Variants in WWTR1 observed in about 807,000 individuals in gnomAD.
The protein encoded by WWTR1 is WW domain containing transcription regulator 1.
In WWTR1, 13 loss-of-function variants were observed where a neutral mutation model predicts 40.1. The ratio of observed to expected loss-of-function variants is 0.32; its 90% CI spans 0.21 to 0.52. The LOEUF is 0.52. Among genes scored for constraint, WWTR1 ranks in the 20% least tolerant of loss-of-function variants. The probability of loss-of-function intolerance (pLI) is 0.97; values close to 1 mark genes in which losing one functional copy is unlikely to be tolerated. For synonymous variants in WWTR1, 230 were observed against 210.1 expected, an observed-to-expected ratio of 1.09 and a Z score of -0.82; for missense variants, 436 against 523.1, an observed-to-expected ratio of 0.83 and a Z score of 1.63.
chr3:149,624,063 C>T (rs557594698), intron 2 of WWTR1, among the ~76,000 whole-genome samples: 1 of 152,240 alleles, frequency 6.6e-6, no homozygotes. Context: ...CTCCCCACCA[C>T]TACCATGACC....
intron 2 of WWTR1, among the ~76,000 whole-genome samples, chr3:149,655,874 C>G (rs1713178657): frequency 6.6e-6 from 1 of 152,196 alleles, no homozygotes; most frequent in Non-Finnish European, 1.5e-5. Context: ...TAAGGCTACT[C>G]TACTAAAGAA....
At chr3:149,548,583 C>A (rs1458865264) in intron 3 of WWTR1, among the ~76,000 whole-genome samples, 5 of 152,226 alleles carry the variant, frequency 3.3e-5, no homozygotes, top group African/African-American at 1.2e-4. Flanking sequence ...AAGGGGCTGG[C>A]TCTGAGTAGA....
At chr3:149,553,126 G>A (rs1372467165) in intron 3 of WWTR1, among the ~76,000 whole-genome samples, 5 of 152,144 alleles carry the variant, frequency 3.3e-5, no homozygotes, top group Admixed American at 2.6e-4. Context: ...AGTTATTTTA[G>A]AGATGAAGAA....
chr3:149,636,285 C>T (rs1711811274), intron 2 of WWTR1, among the ~76,000 whole-genome samples: 1 of 152,166 alleles, frequency 6.6e-6, no homozygotes, highest in South Asian at 2.1e-4. Context: ...TCTCCAATTC[C>T]CCTATTTACT....
At chr3:149,562,361 G>C (rs1438966507) in intron 3 of WWTR1, among the ~76,000 whole-genome samples, 1 of 151,416 alleles carries the variant, frequency 6.6e-6, no homozygotes, top group Non-Finnish European at 1.5e-5. Flanking sequence ...CTACAAAAAA[G>C]AATATAGAGG....
upstream of WWTR1, among the ~76,000 whole-genome samples, chr3:149,707,057 T>A (rs144699578): frequency 8.5e-5 from 13 of 152,354 alleles, no homozygotes; most frequent in East Asian, 2.5e-3. Flanking sequence ...ACTTTAGCCC[T>A]CTTCCAGATG....
intron 2 of WWTR1, among the ~76,000 whole-genome samples, chr3:149,614,940 G>A (rs1739896494): frequency 6.6e-6 from 1 of 151,860 alleles, no homozygotes. Context: ...CTGAGATGGC[G>A]CCATTGTACT....
At chr3:149,639,779 G>T (rs1712044682) in intron 2 of WWTR1, among the ~76,000 whole-genome samples, 1 of 152,002 alleles carries the variant, frequency 6.6e-6, no homozygotes, top group African/African-American at 2.4e-5. Flanking sequence ...GGATCACGAG[G>T]TCAGGAGATC....
intron 2 of WWTR1, among the ~76,000 whole-genome samples, chr3:149,622,522 A>G (rs1347532849): frequency 6.7e-6 from 1 of 149,426 alleles, no homozygotes; most frequent in African/African-American, 2.5e-5. Context: ...AGAAAGAAAG[A>G]AAGAAAGAAA....
chr3:149,659,841 G>A (rs1042616459), upstream of WWTR1: 5 of 151,968 alleles, frequency 3.3e-5, no homozygotes, highest in African/African-American at 1.2e-4. Flanking sequence ...GTACTTGGAG[G>A]TGGCTCCAAT....
intron 2 of WWTR1, among the ~76,000 whole-genome samples, chr3:149,574,749 G>A (rs62269321): frequency 0.086 from 12,812 of 149,648 alleles, 728 homozygotes; most frequent in Middle Eastern, 0.15. Context: ...ATTGCCTTGC[G>A]TGAAAACTTG....
chr3:149,534,957 T>A (rs1011786171), intron 4 of WWTR1, among the ~76,000 whole-genome samples: 3 of 152,168 alleles, frequency 2.0e-5, no homozygotes, highest in African/African-American at 7.2e-5. Flanking sequence ...TCCTTCTAGG[T>A]CCTTGGCCTG....
In WWTR1 at chr3:149,622,486, G is replaced by GA. The variant is rs1560089630; in HGVS notation, c.431+34389dup. ...GGAAGGAAGGAAGGAAGGAAGGAAG[G>GA]AAGGAAGGAAGGAAGGAAGAAAGAA... On this transcript the variant is annotated intron_variant, in intron 2 of 6. Coordinates refer to ENST00000360632, the MANE Select transcript of WWTR1 (RefSeq NM_015472.6). Among the ~76,000 whole-genome samples the GA allele has an allele frequency of 1.3e-4, 12 of 94,296 alleles. No individual in the cohort carries two copies. In the East Asian group the frequency reaches 3.3e-3, roughly 26 times the overall value. 61.9% of individuals were successfully genotyped at this position (94,296 alleles called of 152,430 possible). A position where few individuals can be genotyped will look rare whatever the true frequency, so the allele number is the denominator to read the frequency against.
intron 4 of WWTR1, chr3:149,541,081 T>C (rs1736078218): frequency 2.2e-6 from 1 of 455,820 alleles, no homozygotes; most frequent in South Asian, 1.6e-5. Context: ...ATTTCTCTAA[T>C]TTCTCTAAAG....
intron 3 of WWTR1, among the ~76,000 whole-genome samples, chr3:149,565,207 A>T (rs533428968): frequency 1.3e-5 from 2 of 151,962 alleles, no homozygotes; most frequent in East Asian, 1.9e-4. Context: ...TAAATAAATA[A>T]ATTTATTTAT....
At chr3:149,638,197 C>T (rs1219132218) in intron 2 of WWTR1, among the ~76,000 whole-genome samples, 1 of 151,952 alleles carries the variant, frequency 6.6e-6, no homozygotes, top group Non-Finnish European at 1.5e-5. Context: ...GCCTGGGCAA[C>T]AAGAGCGAAA....
At chr3:149,617,910 G>A (rs1740065834) in intron 2 of WWTR1, among the ~76,000 whole-genome samples, 1 of 151,854 alleles carries the variant, frequency 6.6e-6, no homozygotes, top group South Asian at 2.1e-4. Flanking sequence ...ATAAAATGCA[G>A]AATATTCCAC....
chr3:149,701,506 CA>C (rs1240860448), intron 1 of WWTR1: 1 of 183,084 alleles, frequency 5.5e-6, no homozygotes, highest in Non-Finnish European at 1.2e-5. Context: ...ATCCTCCCAG[CA>C]ATGGGGTGGA....
chr3:149,647,725 A>G (rs1329304949), intron 2 of WWTR1, among the ~76,000 whole-genome samples: 1 of 152,078 alleles, frequency 6.6e-6, no homozygotes, highest in African/African-American at 2.4e-5. Context: ...TAATTTCCAG[A>G]CTCTTTTAAG....
Sources: gnomAD v4.1 joint callset for allele counts (sites outside exome capture counted in the v4.1 genomes callset) on GRCh38, gnomAD v4.1.1 for gene constraint, MANE v1.5 for transcripts, NCBI Gene and HGNC (gene_info 2026-07-23, HGNC 2026-07-21) for gene names.